The following C12orf42 variants were observed in gnomAD, a reference collection of about 807,000 sequenced individuals.
C12orf42 encodes the protein chromosome 12 open reading frame 42.
Under a neutral mutation model 21.6 loss-of-function variants are expected in C12orf42, and 25 were observed. That is an observed-to-expected ratio of 1.16 (90% CI 0.84 to 1.62). The LOEUF (loss-of-function observed/expected upper bound fraction) is 1.62. Among genes scored for constraint, C12orf42 ranks in the 40% most tolerant of loss-of-function variants. The pLI, the probability that C12orf42 is intolerant of heterozygous loss-of-function variation, is 0.00. For missense variants in C12orf42, 483 were observed against 459.3 expected (o/e 1.05, Z -0.47); for synonymous variants, 174 against 175.0 (o/e 0.99, Z 0.05).
the C12orf42 span, among the ~76,000 whole-genome samples, chr12:103,162,487 G>C: frequency 6.6e-6 from 1 of 150,454 alleles, no homozygotes; most frequent in South Asian, 2.1e-4. Context: ...AGGGTACATA[G>C]ATGTCAAGCC....
At chr12:103,080,546 T>A in the C12orf42 span, among the ~76,000 whole-genome samples, 1 of 152,206 alleles carries the variant, frequency 6.6e-6, no homozygotes, top group Non-Finnish European at 1.5e-5. Context: ...ATCCAGCACC[T>A]GACTAAATGG....
chr12:103,519,762 A>G, the C12orf42 span, among the ~76,000 whole-genome samples: 1 of 152,092 alleles, frequency 6.6e-6, no homozygotes. Flanking sequence ...CCAGACACAA[A>G]TTCCTCCCAG....
chr12:103,197,612 G>T, the C12orf42 span, among the ~76,000 whole-genome samples: 1 of 152,172 alleles, frequency 6.6e-6, no homozygotes, highest in African/African-American at 2.4e-5. Context: ...AGCTAGTATG[G>T]TCACTTGGAG....
At chr12:103,274,837 C>T (rs2035671678) in intron 5 of C12orf42, among the ~76,000 whole-genome samples, 1 of 152,118 alleles carries the variant, frequency 6.6e-6, no homozygotes, top group Non-Finnish European at 1.5e-5. Flanking sequence ...TTCAATCTGG[C>T]CAAACACTTT....
intron 4 of C12orf42, among the ~76,000 whole-genome samples, chr12:103,329,073 G>C (rs936128591): frequency 1.3e-5 from 2 of 151,240 alleles, no homozygotes; most frequent in Non-Finnish European, 3.0e-5. Context: ...CATGCATTTA[G>C]AGCTATGGCA....
intron 4 of C12orf42, among the ~76,000 whole-genome samples, chr12:103,345,015 CTT>C (rs914066112): frequency 1.1e-4 from 16 of 152,142 alleles, no homozygotes; most frequent in African/African-American, 3.6e-4. Context: ...TTTTGCCTGA[CTT>C]TTGGAATTAG....
At chr12:103,418,950 A>G (rs138062377) in intron 2 of C12orf42, among the ~76,000 whole-genome samples, 9 of 152,224 alleles carry the variant, frequency 5.9e-5, no homozygotes, top group African/African-American at 2.2e-4. Flanking sequence ...TCAGGGAAAA[A>G]GAATTAAACA....
At position 103,327,846 on chromosome 12, in the gene C12orf42, C is replaced by A. The variant is rs138322654; in HGVS notation, c.260-21501G>T. The stretch of plus-strand genomic sequence containing the variant: ...ATTTTCAACACTAGAAATTCAGTAT[C>A]TGGGAAAGAGTAAGAACAGACCTCC... On this transcript the variant is annotated intron_variant, in intron 4 of 5. Coordinates refer to ENST00000548883, the MANE Select transcript of C12orf42 (RefSeq NM_198521.5). Among the ~76,000 whole-genome samples the A allele has an allele frequency of 8.5e-5, 13 of 152,272 alleles. No individual in the cohort carries two copies. The East Asian group carries it at 2.5e-3, about 29-fold the overall frequency.
intron 2 of C12orf42, among the ~76,000 whole-genome samples, chr12:103,424,998 G>A (rs1200974447): frequency 6.6e-6 from 1 of 152,174 alleles, no homozygotes; most frequent in Non-Finnish European, 1.5e-5. Context: ...GAGCTTAGTG[G>A]GAGAGGGGTG....
At chr12:103,359,994 C>T (rs527369381) in intron 4 of C12orf42, among the ~76,000 whole-genome samples, 6 of 151,688 alleles carry the variant, frequency 4.0e-5, no homozygotes, top group African/African-American at 1.4e-4. Context: ...TCCCCTTTCC[C>T]TTACTGCCAT....
chr12:103,099,464 T>C, the C12orf42 span, among the ~76,000 whole-genome samples: 1 of 152,214 alleles, frequency 6.6e-6, no homozygotes, highest in Non-Finnish European at 1.5e-5. Flanking sequence ...ATACAGATAC[T>C]GGACACTGAA....
At chr12:103,081,641 T>G in the C12orf42 span, 1 of 152,320 alleles carries the variant, frequency 6.6e-6, no homozygotes, top group South Asian at 2.1e-4. Flanking sequence ...GTATAGAATT[T>G]TAGATTGGAA....
the C12orf42 span, among the ~76,000 whole-genome samples, chr12:103,198,991 C>T: frequency 6.6e-6 from 1 of 152,094 alleles, no homozygotes; most frequent in Non-Finnish European, 1.5e-5. Flanking sequence ...ATTAGAAGAC[C>T]CCAAATAGCC....
At chr12:103,471,605 C>T (rs1953612530) in intron 2 of C12orf42, among the ~76,000 whole-genome samples, 1 of 152,226 alleles carries the variant, frequency 6.6e-6, no homozygotes, top group Non-Finnish European at 1.5e-5. Context: ...AACACAGCCT[C>T]TAAATGGTAC....
At chr12:103,209,047 G>A in the C12orf42 span, among the ~76,000 whole-genome samples, 3 of 152,010 alleles carry the variant, frequency 2.0e-5, no homozygotes, top group African/African-American at 4.8e-5. Flanking sequence ...CCTCAAGTTT[G>A]GTAAAAGCAC....
At chr12:103,436,931 C>T (rs1351247626) in intron 2 of C12orf42, among the ~76,000 whole-genome samples, 2 of 148,498 alleles carry the variant, frequency 1.3e-5, no homozygotes, top group Admixed American at 6.7e-5. Context: ...GAACTCTCCA[C>T]CCCAAATCAA....
intron 2 of C12orf42, among the ~76,000 whole-genome samples, chr12:103,409,318 C>T (rs2048651431): frequency 6.6e-6 from 1 of 152,140 alleles, no homozygotes; most frequent in Non-Finnish European, 1.5e-5. Context: ...AGGTCAGAGG[C>T]CTGTCATGAC....
intron 1 of C12orf42, among the ~76,000 whole-genome samples, chr12:103,482,184 T>C (rs1340232310): frequency 6.6e-6 from 1 of 152,156 alleles, no homozygotes; most frequent in African/African-American, 2.4e-5. Context: ...CTCAAATCTG[T>C]CTGGGATTAC....
chr12:103,534,121 C>T, the C12orf42 span, among the ~76,000 whole-genome samples: 2 of 152,350 alleles, frequency 1.3e-5, no homozygotes, highest in African/African-American at 4.8e-5. Flanking sequence ...TCTGAAAATA[C>T]TTATCCTCAT....
Sources: gnomAD v4.1 joint callset for allele counts (sites outside exome capture counted in the v4.1 genomes callset) on GRCh38, gnomAD v4.1.1 for gene constraint, MANE v1.5 for transcripts, NCBI Gene and HGNC (gene_info 2026-07-23, HGNC 2026-07-21) for gene names.